Variants in MCMDC2 observed in about 807,000 individuals in gnomAD.
MCMDC2 encodes minichromosome maintenance domain containing 2.
A neutral mutation model predicts 75.8 loss-of-function variants in MCMDC2; 54 were observed. That is an observed-to-expected ratio of 0.71 (90% CI 0.57 to 0.89). The LOEUF (loss-of-function observed/expected upper bound fraction) is 0.89. Ranked by LOEUF, MCMDC2 falls within the 40% of genes least tolerant of loss-of-function variation. The pLI, the probability that MCMDC2 is intolerant of heterozygous loss-of-function variation, is 0.00. For synonymous variants in MCMDC2, 249 were observed against 274.6 expected, an observed-to-expected ratio of 0.91 and a Z score of 0.92; for missense variants, 656 against 780.4, an observed-to-expected ratio of 0.84 and a Z score of 1.90.
downstream of MCMDC2, among the ~76,000 whole-genome samples, chr8:66,924,179 T>C (rs1813650082): frequency 6.6e-6 from 1 of 152,032 alleles, no homozygotes; most frequent in African/African-American, 2.4e-5. Context: ...TTCAAGCTAC[T>C]GAAGCCTCAA....
downstream of MCMDC2, chr8:66,922,464 A>C (rs753444341): frequency 1.9e-6 from 1 of 517,996 alleles, no homozygotes; most frequent in South Asian, 1.4e-5. Context: ...ATCAATGTAC[A>C]GTACTGGCAT....
At chr8:66,923,679 C>T (rs1224448065), downstream of MCMDC2, among the ~76,000 whole-genome samples, 1 of 151,914 alleles carries the variant, frequency 6.6e-6, no homozygotes, top group Non-Finnish European at 1.5e-5. Context: ...GGTGGATCAC[C>T]TGAGGTCAGG....
chr8:66,918,992 T>A lies in MCMDC2; in HGVS notation c.1880-11T>A, dbSNP rs1813421715. On this transcript the variant is annotated splice_polypyrimidine_tract_variant and intron_variant, in intron 14 of 14. Transcript: ENST00000422365. ...ATTTGTCATTTACACTCTATTATCT[T>A]CTTCATTTAGGGGCCACTGTATTTT... 1 of 1,492,828 alleles carries A rather than the reference T, an allele frequency of 6.7e-7. No homozygotes were observed. Among genetic ancestry groups the A allele is most frequent in the South Asian group, 1.3e-5 (1 of 74,218 alleles). 92.5% of individuals were successfully genotyped at this position (1,492,828 alleles called of 1,614,324 possible).
At chr8:66,895,464 T>G (rs1243837877) in intron 10 of MCMDC2, among the ~76,000 whole-genome samples, 1 of 150,896 alleles carries the variant, frequency 6.6e-6, no homozygotes, top group East Asian at 2.0e-4. Context: ...TGGAGTTCAA[T>G]GGTGTCATCA....
chr8:66,901,636 A>G (rs540044021), intron 13 of MCMDC2: 1 of 1,081,168 alleles, frequency 9.2e-7, no homozygotes, highest in African/African-American at 1.7e-5. Flanking sequence ...CTTGTTTTTA[A>G]AAATGTGGCT....
At chr8:66,923,528 CA>C (rs200363391), downstream of MCMDC2, among the ~76,000 whole-genome samples, 1 of 151,880 alleles carries the variant, frequency 6.6e-6, no homozygotes, top group Admixed American at 6.6e-5. Flanking sequence ...TTAACTGAAA[CA>C]AAAAAAGTTT....
rs1402470663 is a variant in MCMDC2 at position 66,921,232 on chromosome 8, G to A, written c.*2063G>A. 1.3e-5 allele frequency: 2 copies of A among 152,144 alleles called. No homozygotes were observed. The highest frequency in any genetic ancestry group is 2.9e-5 in the Non-Finnish European group (2 of 68,034). The allele number at this position is 152,144 out of a possible 1,614,324, so 9.4% of individuals were successfully genotyped here. ...TTAAATATGCCAACGGTATTTTAAA[G>A]GTTATTGGAGAATTAGAAGGGGGTG... On this transcript the variant is annotated 3_prime_UTR_variant, in exon 15 of 15. Coordinates refer to ENST00000422365, the MANE Select transcript of MCMDC2 (RefSeq NM_173518.5).
In MCMDC2 at chr8:66,894,682, A is replaced by G. The variant is rs555993173; in HGVS notation, c.1280-1488A>G. On this transcript the variant is annotated intron_variant, in intron 10 of 14. Coordinates refer to ENST00000422365, the MANE Select transcript of MCMDC2 (RefSeq NM_173518.5). ...GATAAAAGGTAAAATTTATGTCAAT[A>G]TAAAATTTTAATTTTTCTTTATTTA... is the stretch of plus-strand genomic sequence containing the variant. 3.7e-4 allele frequency among the ~76,000 whole-genome samples: 56 copies of G among 152,256 alleles called. 1 individual carries two copies. Among genetic ancestry groups the G allele is most frequent in the Non-Finnish European group, 7.2e-4 (49 of 68,038 alleles).
chr8:66,889,070 C>T (rs1331737996), intron 9 of MCMDC2, among the ~76,000 whole-genome samples: 3 of 152,176 alleles, frequency 2.0e-5, no homozygotes, highest in Non-Finnish European at 2.9e-5. Flanking sequence ...TAGAATAGAA[C>T]ATGCGCTAGA....
chr8:66,887,771 T>A (rs920080046), intron 9 of MCMDC2, among the ~76,000 whole-genome samples: 3 of 152,228 alleles, frequency 2.0e-5, no homozygotes, highest in African/African-American at 7.2e-5. Context: ...GTTTTTCCTA[T>A]GCATTTATCC....
downstream of MCMDC2, chr8:66,922,244 C>G: frequency 4.6e-6 from 1 of 215,272 alleles, no homozygotes; most frequent in Non-Finnish European, 9.6e-6. Context: ...GCAACTTCAA[C>G]AAGAATCTGC....
At chr8:66,910,835 G>A (rs937584811) in intron 14 of MCMDC2, among the ~76,000 whole-genome samples, 9 of 151,968 alleles carry the variant, frequency 5.9e-5, no homozygotes, top group African/African-American at 1.9e-4. Context: ...TTACTGCCTC[G>A]CTGGATTTTG....
chr8:66,872,372 C>G (rs140380797), intron 1 of MCMDC2, among the ~76,000 whole-genome samples: 3 of 152,268 alleles, frequency 2.0e-5, no homozygotes, highest in Admixed American at 1.3e-4. Flanking sequence ...ACCTTCTTCC[C>G]TATGACCCCA....
At position 66,896,853 on chromosome 8, in the gene MCMDC2, G is replaced by A; in HGVS notation, c.1520G>A (p.Cys507Tyr). The change falls in exon 12 of 15, where the codon TGC (cysteine) becomes TAC (tyrosine). Residue 507 changes from cysteine (C) to tyrosine (Y), a missense_variant. Cys to Tyr is a radical substitution (Grantham distance 194). Transcript: ENST00000422365. ...LLINCNESSP[C>Y]HPFLPTVQHT... ...ATTAACTGCAACGAGTCATCTCCCT[G>A]CCACCCATTTCTTCCTACTGTGCAA... 6.2e-7 allele frequency: 1 copy of A among 1,613,388 alleles called. No individual in the cohort carries two copies. The highest frequency in any genetic ancestry group is 8.5e-7 in the Non-Finnish European group (1 of 1,179,680).
chr8:66,888,830 T>TATA (rs1811962746), intron 9 of MCMDC2, among the ~76,000 whole-genome samples: 11 of 152,198 alleles, frequency 7.2e-5, no homozygotes, highest in African/African-American at 2.4e-4. Context: ...AGCTGCCTAT[T>TATA]AGAATCACCT....
chr8:66,883,649 T>G, intron 8 of MCMDC2, 108 bp from the exon 9 acceptor site: 1 of 652,570 alleles, frequency 1.5e-6, no homozygotes, highest in Non-Finnish European at 2.6e-6. Context: ...GAATATGGTA[T>G]TATTGGAACT....
intron 14 of MCMDC2, among the ~76,000 whole-genome samples, chr8:66,918,608 A>C (rs2130875908): frequency 6.6e-6 from 1 of 152,302 alleles, no homozygotes; most frequent in Non-Finnish European, 1.5e-5. Context: ...CTTACCTTCC[A>C]GTACCTTTTC....
chr8:66,898,602 C>T (rs1427173350), intron 12 of MCMDC2, among the ~76,000 whole-genome samples: 1 of 135,758 alleles, frequency 7.4e-6, no homozygotes, highest in African/African-American at 2.8e-5. Flanking sequence ...CCAGCCTGGG[C>T]GACAAGAGCA....
rs1163070286 is a variant in MCMDC2 at position 66,885,690 on chromosome 8, G to T, written c.1073+1696G>T. 2.0e-5 allele frequency among the ~76,000 whole-genome samples: 3 copies of T among 151,932 alleles called. No homozygotes were observed. In the East Asian group the frequency reaches 5.8e-4, roughly 29 times the overall value. On this transcript the variant is annotated intron_variant, in intron 9 of 14. Coordinates refer to ENST00000422365, the MANE Select transcript of MCMDC2 (RefSeq NM_173518.5). ...ATCATCACTAAAAACATTGAGTTTT[G>T]ACAAATTTAACATACACTCCTTTAA...
Sources: allele counts gnomAD v4.1 joint callset (sites outside exome capture counted in the v4.1 genomes callset), GRCh38; gene constraint gnomAD v4.1.1; transcripts MANE v1.5; gene names NCBI Gene and HGNC (gene_info 2026-07-23, HGNC 2026-07-21).